TPP1: variants seen among roughly 807,000 people sequenced by gnomAD.
The protein encoded by TPP1 is tripeptidyl-peptidase 1.
TPP1 carries 43 observed loss-of-function variants against 67.6 expected under a neutral mutation model. The ratio of observed to expected loss-of-function variants is 0.64; its 90% CI spans 0.50 to 0.82. The LOEUF is 0.82. TPP1 is among the 40% of genes least tolerant of loss of function. The pLI is 0.00. For missense variants in TPP1, 671 were observed against 710.9 expected (o/e 0.94, Z 0.64); for synonymous variants, 272 against 281.5 (o/e 0.97, Z 0.34).
In TPP1 at chr11:6,615,556, A is replaced by G; in HGVS notation, c.1152T>C (p.Tyr384=). ...AGGATGTGCCTCCCACTGTGGTGAC[A>G]TAGGGGCTGAGGGGAGAAGACAGCA... The part of the protein sequence containing the change: ...FRPTFPASSP[Y]VTTVGGTSFQ... Residue 384 remains tyrosine, a synonymous_variant, in exon 10 of 13, where the codon TAT becomes TAC. Transcript: ENST00000299427. The G allele has an allele frequency of 1.2e-6, 2 of 1,614,136 alleles. No homozygotes were observed. The highest frequency in any genetic ancestry group is 2.2e-5 in the East Asian group (1 of 44,884).
At position 6,616,499 on chromosome 11, in the gene TPP1, C is replaced by G; in HGVS notation, c.891G>C (p.Arg297=). 1 of 1,577,226 alleles carries G rather than the reference C, an allele frequency of 6.3e-7. No individual in the cohort carries two copies. The highest frequency in any genetic ancestry group is 8.5e-7 in the Non-Finnish European group (1 of 1,170,572). ...ISTWVYSSPG[R]HEGQEPFLQW... ...GCAGGAAGGGCTCCTGTCCCTCATG[C>G]CGGCCTGGATTTTTTTTTTTTTTTT... The change falls in exon 8 of 13, where the codon CGG becomes CGC. Residue 297 remains arginine (R), a synonymous_variant. Coordinates refer to ENST00000299427, the MANE Select transcript of TPP1 (RefSeq NM_000391.4).
chr11:6,615,164 TTC>T lies in TPP1; in HGVS notation c.1425+5_1425+6del. The T allele has an allele frequency of 6.2e-7, 1 of 1,614,134 alleles. No homozygotes were observed. The highest frequency in any genetic ancestry group is 8.5e-7 in the Non-Finnish European group (1 of 1,180,020). ...GAGTGAGAGTTTGGAGATGGGCTGA[TTC>T]TCACCGAGGTTCCGGACACCCATGG... On this transcript the variant is annotated splice_donor_5th_base_variant and intron_variant, in intron 11 of 12. Transcript: ENST00000299427.
chr11:6,617,635 A>T lies in TPP1; in HGVS notation c.371T>A (p.Leu124Gln). The T allele has an allele frequency of 6.2e-7, 1 of 1,614,176 alleles. No individual in the cohort carries two copies. Among genetic ancestry groups the T allele is most frequent in the Non-Finnish European group, 8.5e-7 (1 of 1,180,026 alleles). Residue 124 changes from leucine to glutamine, a missense_variant, in exon 4 of 13, where the codon CTG becomes CAG. Physicochemically the swap from Leu to Gln is moderately radical, Grantham distance 113. Transcript: ENST00000299427. ...AATCATTTCCTCTCACCGGATGCTC[A>T]GCCAGCAAGTCAGAAAGTCCTGTGT... ...VITQDFLTCW[L>Q]SIRQAELLLP... is the part of the protein sequence containing the mutation.
intron 10 of TPP1, 35 bp from the exon 11 acceptor site, chr11:6,615,364 G>A (rs981755064): frequency 1.2e-6 from 2 of 1,613,984 alleles, no homozygotes; most frequent in African/African-American, 2.7e-5. Context: ...TTGGCATGTG[G>A]CCTGCCCAGC....
rs1230170822 is a variant in TPP1 at position 6,616,666 on chromosome 11, C to T, written c.881G>A (p.Ser294Asn). 2.5e-6 allele frequency: 4 copies of T among 1,613,954 alleles called. No individual in the cohort carries two copies. Among genetic ancestry groups the T allele is most frequent in the Non-Finnish European group, 3.4e-6 (4 of 1,180,006 alleles). The stretch of plus-strand genomic sequence containing the variant: ...TCCAGTCCTCTTGGTAGTACCAGGG[C>T]TACTGTAGACCCAGGTGGAGATGTT... ...GANISTWVYS[S>N]PGRHEGQEPF... is the part of the protein sequence containing the mutation. Residue 294 changes from serine to asparagine, a missense_variant, in exon 7 of 13, where the codon AGC becomes AAC. Transcript: ENST00000299427.
At chr11:6,615,854 GGAA>G (rs1464993185) in intron 9 of TPP1, 148 bp downstream of exon 9, 1 of 917,566 alleles carries the variant, frequency 1.1e-6, no homozygotes, top group South Asian at 1.4e-5. Flanking sequence ...GGGACCTGCA[GGAA>G]GAAGAGACAG....
chr11:6,613,401 G>A lies in TPP1; in HGVS notation c.*1145C>T, dbSNP rs1236224806. ...TTTTTTACTTAAGAACAAATAGCAAGGAAGGTTTGTGAGCTATGATTGGGG... is the reference window on the plus strand; with the variant it reads ...TTTTTTACTTAAGAACAAATAGCAAAGAAGGTTTGTGAGCTATGATTGGGG... On this transcript the variant is annotated 3_prime_UTR_variant, in exon 13 of 13. Transcript: ENST00000299427. The A allele has an allele frequency of 1.3e-5, 2 of 152,190 alleles. No individual in the cohort carries two copies. Among genetic ancestry groups the A allele is most frequent in the Non-Finnish European group, 1.5e-5 (1 of 68,042 alleles). 9.4% of individuals were successfully genotyped at this position (152,190 alleles called of 1,614,324 possible). A position where few individuals can be genotyped will look rare whatever the true frequency, so the allele number is the denominator to read the frequency against.
chr11:6,618,269 G>A (rs1182824350), intron 3 of TPP1: 1 of 326,998 alleles, frequency 3.1e-6, no homozygotes, highest in Non-Finnish European at 5.8e-6. Context: ...CCCCTGCTGT[G>A]AAGGGCTTTA....
rs987642717 is a variant in TPP1 at position 6,616,748 on chromosome 11, C to G, written c.799G>C (p.Gly267Arg). 6.2e-7 allele frequency: 1 copy of G among 1,614,054 alleles called. No homozygotes were observed. Among genetic ancestry groups the G allele is most frequent in the Non-Finnish European group, 8.5e-7 (1 of 1,180,004 alleles). The part of the protein sequence containing the change: ...VARVVGQQGR[G>R]RAGIEASLDV... Reference sequence around the variant, plus strand: ...AGACTGGCCTCAATCCCGGCCCGGCCCCGGCCCTGTTGTCCAACCACACGG... The same window carrying G: ...AGACTGGCCTCAATCCCGGCCCGGCGCCGGCCCTGTTGTCCAACCACACGG... The change falls in exon 7 of 13, where the codon GGC becomes CGC. Residue 267 changes from glycine to arginine, a missense_variant. Transcript: ENST00000299427.
chr11:6,616,528 T>C lies in TPP1; in HGVS notation c.887-25A>G, dbSNP rs781640030. The C allele has an allele frequency of 4.5e-5, 44 of 974,334 alleles. No individual in the cohort carries two copies. The South Asian group carries it at 6.0e-4, about 13-fold the overall frequency. 60.4% of individuals were successfully genotyped at this position (974,334 alleles called of 1,614,324 possible). A position where few individuals can be genotyped will look rare whatever the true frequency, so the allele number is the denominator to read the frequency against. ...CCTGGATTTTTTTTTTTTTTTTTTT[T>C]GAGGGATGGGCACAAAGATAGTCAC... is the stretch of plus-strand genomic sequence containing the variant. On this transcript the variant is annotated intron_variant, in intron 7 of 12. Coordinates refer to ENST00000299427, the MANE Select transcript of TPP1 (RefSeq NM_000391.4).
At chr11:6,615,751 T>A in intron 9 of TPP1, 189 bp from the exon 10 acceptor site, 1 of 812,258 alleles carries the variant, frequency 1.2e-6, no homozygotes, top group Admixed American at 2.3e-5. Flanking sequence ...CACTTTTCTC[T>A]ACAGAACACC....
In TPP1 at chr11:6,615,508, T is replaced by C. The variant is rs2134592105; in HGVS notation, c.1200A>G (p.Thr400=). Residue 400 remains threonine (T), a synonymous_variant, in exon 10 of 13, where the codon ACA becomes ACG. Coordinates refer to ENST00000299427, the MANE Select transcript of TPP1 (RefSeq NM_000391.4). The stretch of plus-strand genomic sequence containing the variant: ...CACTGATATAGTCAACAATTTCATT[T>C]GTGATGAGGAAAGGTTCCTGGAAGG... ...GTSFQEPFLI[T]NEIVDYISGG... is the part of the protein sequence containing the mutation. The C allele has an allele frequency of 1.2e-6, 2 of 1,614,186 alleles. No homozygotes were observed. The highest frequency in any genetic ancestry group is 1.7e-6 in the Non-Finnish European group (2 of 1,180,034).
chr11:6,612,786 T>C lies in TPP1; in HGVS notation c.*1760A>G, dbSNP rs1348529068. 6.6e-6 allele frequency: 1 copy of C among 152,528 alleles called. No individual in the cohort carries two copies. Among genetic ancestry groups the C allele is most frequent in the Non-Finnish European group, 1.5e-5 (1 of 68,052 alleles). The allele number at this position is 152,528 out of a possible 1,614,324, so 9.4% of individuals were successfully genotyped here. On this transcript the variant is annotated 3_prime_UTR_variant, in exon 13 of 13. Coordinates refer to ENST00000299427, the MANE Select transcript of TPP1 (RefSeq NM_000391.4). ...CGTGAGGTTTTCGGTGTAGCAGACA[T>C]TTAATTCTTATTTGCCAACTCCTGA...
At chr11:6,619,325 T>C in intron 1 of TPP1, 58 bp from the exon 2 acceptor site, 1 of 1,614,058 alleles carries the variant, frequency 6.2e-7, no homozygotes, top group Non-Finnish European at 8.5e-7. Context: ...GTTCCCACCC[T>C]CCCAATGTGT....
chr11:6,616,774 G>T lies in TPP1; in HGVS notation c.773C>A (p.Ala258Asp), dbSNP rs769442364. The change falls in exon 7 of 13, where the codon GCC becomes GAC. Residue 258 changes from alanine to aspartate, a missense_variant. Coordinates refer to ENST00000299427, the MANE Select transcript of TPP1 (RefSeq NM_000391.4). ...CCGGCCCTGTTGTCCAACCACACGG[G>T]CTACTGATGCCTGATGTGCAAAGTT... ...GGNFAHQASV[A>D]RVVGQQGRGR... The T allele has an allele frequency of 1.9e-6, 3 of 1,613,856 alleles. No individual in the cohort carries two copies. The highest frequency in any genetic ancestry group is 2.7e-5 in the African/African-American group (2 of 74,916).
chr11:6,615,553 G>A lies in TPP1; in HGVS notation c.1155C>T (p.Val385=), dbSNP rs755693820. Reference sequence around the variant, plus strand: ...GGAAGGATGTGCCTCCCACTGTGGTGACATAGGGGCTGAGGGGAGAAGACA... The same window carrying A: ...GGAAGGATGTGCCTCCCACTGTGGTAACATAGGGGCTGAGGGGAGAAGACA... ...RPTFPASSPY[V]TTVGGTSFQE... is the part of the protein sequence containing the mutation. The change falls in exon 10 of 13, where the codon GTC becomes GTT. Residue 385 remains valine (V), a synonymous_variant. Transcript: ENST00000299427. 6.2e-7 allele frequency: 1 copy of A among 1,614,048 alleles called. No homozygotes were observed. The highest frequency in any genetic ancestry group is 8.5e-7 in the Non-Finnish European group (1 of 1,180,042).
At chr11:6,618,225 G>A (rs1330449847) in intron 3 of TPP1, 3 of 331,734 alleles carry the variant, frequency 9.0e-6, no homozygotes, top group Admixed American at 4.7e-5. Context: ...ACACTGCCCC[G>A]TCCCCAGCCT....
chr11:6,615,132 A>G, intron 11 of TPP1, 39 bp downstream of exon 11: 1 of 1,614,092 alleles, frequency 6.2e-7, no homozygotes, highest in Middle Eastern at 1.6e-4. Context: ...GGGTAAGGGT[A>G]GTTCCTGAGT....
In TPP1 at chr11:6,616,421, C is replaced by A; in HGVS notation, c.969G>T (p.Val323=). The change falls in exon 8 of 13, where the codon GTG becomes GTT. Residue 323 remains valine, a synonymous_variant. Transcript: ENST00000299427. ...NESALPHVHT[V]SYGDDEDSLS... ...GGGAGTCCTCATCATCTCCATAGCT[C>A]ACAGTATGCACATGTGGCAGGGCTG... 1.9e-6 allele frequency: 3 copies of A among 1,613,846 alleles called. No homozygotes were observed. The highest frequency in any genetic ancestry group is 2.5e-6 in the Non-Finnish European group (3 of 1,180,010).
Sources: allele counts gnomAD v4.1 joint callset, GRCh38; gene constraint gnomAD v4.1.1; transcripts MANE v1.5; gene names NCBI Gene and HGNC (gene_info 2026-07-23, HGNC 2026-07-21).